The following GJA5 variants were observed in gnomAD, a reference collection of about 807,000 sequenced individuals.
GJA5 encodes the protein gap junction protein alpha 5.
GJA5 carries 3 observed loss-of-function variants against 7.9 expected under a neutral mutation model. The observed-to-expected ratio is 0.38, with a 90% CI of 0.17 to 0.99. The LOEUF is 0.99. Among genes scored for constraint, GJA5 ranks in the 50% least tolerant of loss-of-function variants. The probability of loss-of-function intolerance (pLI) is 0.38; values close to 1 mark genes in which losing one functional copy is unlikely to be tolerated. For synonymous variants in GJA5, 193 were observed against 181.0 expected (o/e 1.07, Z -0.53); for missense variants, 390 against 457.9 (o/e 0.85, Z 1.35).
At chr1:147,764,834 A>AC (rs1367795236), upstream of GJA5, among the ~76,000 whole-genome samples, 1 of 151,700 alleles carries the variant, frequency 6.6e-6, no homozygotes, top group Non-Finnish European at 1.5e-5. Context: ...AAAAAAAAAA[A>AC]AAAAAAAAAT....
chr1:147,758,173 G>A lies in GJA5; in HGVS notation c.1066C>T (p.Leu356=), dbSNP rs1663814488. ...KASSKARSDD[L]SV ...CCCATAAAGGAGGGTCACACTGATA[G>A]GTCATCTGACCTTGCCTTGCTGCTG... The change falls in exon 2 of 2, where the codon CTA becomes TTA. Residue 356 remains leucine (L), a synonymous_variant. Coordinates refer to ENST00000579774, the MANE Select transcript of GJA5 (RefSeq NM_181703.4). The A allele has an allele frequency of 6.2e-7, 1 of 1,609,936 alleles. No homozygotes were observed. The highest frequency in any genetic ancestry group is 8.5e-7 in the Non-Finnish European group (1 of 1,176,170).
Position 147,758,896 on chromosome 1 carries a change from T to C in GJA5, c.343A>G (p.Lys115Glu). 1 of 1,614,220 alleles carries C rather than the reference T, an allele frequency of 6.2e-7. No homozygotes were observed. Residue 115 changes from lysine to glutamate, a missense_variant, in exon 2 of 2, where the codon AAA becomes GAA. Transcript: ENST00000579774. ...TAAGAGCCAGAGCCCCGGACCTCTT[T>C]GGCCCTCTCGGCCTCCCGTAGCTTG... is the stretch of plus-strand genomic sequence containing the variant. The part of the protein sequence containing the change: ...KRKLREAERA[K>E]EVRGSGSYEY...
At chr1:147,772,722 G>C (rs1308996077) in intron 1 of GJA5, among the ~76,000 whole-genome samples, 1 of 148,768 alleles carries the variant, frequency 6.7e-6, no homozygotes, top group Non-Finnish European at 1.5e-5. Flanking sequence ...ACTGCACAGC[G>C]GGGACATGAT....
At chr1:147,759,332 T>A in intron 1 of GJA5, 61 bp from the exon 2 acceptor site, 2 of 892,134 alleles carry the variant, frequency 2.2e-6, no homozygotes, top group Non-Finnish European at 3.7e-6. Flanking sequence ...AGGTCTGGAA[T>A]GTCTATCATG....
At chr1:147,764,228 T>C (rs1045841929), upstream of GJA5, among the ~76,000 whole-genome samples, 4 of 152,114 alleles carry the variant, frequency 2.6e-5, no homozygotes, top group Admixed American at 6.5e-5. Flanking sequence ...ACTCCGCAAA[T>C]CTACAGCAAA....
At chr1:147,771,804 G>A (rs1664412966) in intron 1 of GJA5, among the ~76,000 whole-genome samples, 1 of 152,194 alleles carries the variant, frequency 6.6e-6, no homozygotes, top group African/African-American at 2.4e-5. Context: ...TGCTGAGTGA[G>A]GAAAAGGCTT....
chr1:147,763,166 G>A (rs1664082435), upstream of GJA5, among the ~76,000 whole-genome samples: 1 of 152,112 alleles, frequency 6.6e-6, no homozygotes, highest in Non-Finnish European at 1.5e-5. Context: ...GGCTTCTTAT[G>A]TTCCCTCTGC....
At chr1:147,770,435 G>GA (rs11295769) in intron 1 of GJA5, among the ~76,000 whole-genome samples, 2,964 of 149,200 alleles carry the variant, frequency 0.02, 67 homozygotes, top group African/African-American at 0.064. Flanking sequence ...AGGAGTCCTA[G>GA]AAAAAAAAAA....
chr1:147,762,919 T>A (rs1553227607), upstream of GJA5, among the ~76,000 whole-genome samples: 2 of 152,344 alleles, frequency 1.3e-5, no homozygotes, highest in Non-Finnish European at 2.9e-5. Context: ...CAAAGGAAGC[T>A]GCCCATGCCA....
upstream of GJA5, among the ~76,000 whole-genome samples, chr1:147,762,754 A>G (rs1455675938): frequency 6.6e-6 from 1 of 152,224 alleles, no homozygotes; most frequent in Non-Finnish European, 1.5e-5. Flanking sequence ...CTCTGGCTGT[A>G]GTTACTTTTC....
At chr1:147,764,014 T>C (rs782738603), upstream of GJA5, among the ~76,000 whole-genome samples, 24 of 152,188 alleles carry the variant, frequency 1.6e-4, no homozygotes, top group Non-Finnish European at 3.5e-4. Flanking sequence ...TTTCACCATG[T>C]TGGCCAGGCT....
At chr1:147,770,617 C>T (rs114347152) in intron 1 of GJA5, among the ~76,000 whole-genome samples, 1,542 of 152,008 alleles carry the variant, frequency 0.01, 15 homozygotes, top group Non-Finnish European at 0.016. Context: ...AAATAATTTC[C>T]CCAAGATCAC....
upstream of GJA5, among the ~76,000 whole-genome samples, chr1:147,765,571 G>A (rs1553228068): frequency 6.6e-6 from 1 of 152,166 alleles, no homozygotes; most frequent in Non-Finnish European, 1.5e-5. Context: ...TCAGACAAAG[G>A]CAAGACTGCA....
chr1:147,763,653 T>C (rs1447986066), upstream of GJA5, among the ~76,000 whole-genome samples: 4 of 152,174 alleles, frequency 2.6e-5, no homozygotes, highest in East Asian at 7.7e-4. Flanking sequence ...CTAGGAAACT[T>C]GTTTGGCAAT....
chr1:147,758,456 G>A lies in GJA5; in HGVS notation c.783C>T (p.Cys261=), dbSNP rs1553226859. ...SGPSVGIVQS[C]TPPPDFNQCL... Reference sequence around the variant, plus strand: ...ACTGATTAAAGTCGGGGGGTGGTGTGCAGCTCTGGACTATGCCCACAGAGG... The same window carrying A: ...ACTGATTAAAGTCGGGGGGTGGTGTACAGCTCTGGACTATGCCCACAGAGG... Residue 261 remains cysteine (C), a synonymous_variant, in exon 2 of 2, where the codon TGC becomes TGT. Coordinates refer to ENST00000579774, the MANE Select transcript of GJA5 (RefSeq NM_181703.4). 1 of 1,614,192 alleles carries A rather than the reference G, an allele frequency of 6.2e-7. No individual in the cohort carries two copies. The highest frequency in any genetic ancestry group is 1.1e-5 in the South Asian group (1 of 91,086).
chr1:147,760,556 A>C lies in GJA5; in HGVS notation c.-91T>G, dbSNP rs1030072466. On this transcript the variant is annotated 5_prime_UTR_variant, in exon 1 of 2. Transcript: ENST00000579774. ...ATCCTCTGCCTGTCTGTGTTCTCCC[A>C]GGAGGGACTGTTTGAAAATGGAGAC... 1 of 152,362 alleles carries C rather than the reference A, an allele frequency of 6.6e-6. No homozygotes were observed. The highest frequency in any genetic ancestry group is 1.5e-5 in the Non-Finnish European group (1 of 68,200). 9.4% of individuals were successfully genotyped at this position (152,362 alleles called of 1,614,324 possible). A position where few individuals can be genotyped will look rare whatever the true frequency, so the allele number is the denominator to read the frequency against.
rs1775479 is a variant in GJA5 at position 147,759,426 on chromosome 1, G to A, written c.-33-155C>T. Among the ~76,000 whole-genome samples the A allele has an allele frequency of 0.021, 3,258 of 152,262 alleles. 160 individuals carry two copies. In the East Asian group the frequency reaches 0.22, roughly 10 times the overall value. On this transcript the variant is annotated intron_variant, in intron 1 of 1. Transcript: ENST00000579774. ...AGTCAAAGCAACCAACGAAAAGCTC[G>A]CTCTCCTTTCCCAGCAAAAATAAAA...
upstream of GJA5, among the ~76,000 whole-genome samples, chr1:147,764,107 G>T (rs587692351): frequency 5.2e-4 from 79 of 152,082 alleles, no homozygotes; most frequent in African/African-American, 1.8e-3. Flanking sequence ...CACCATGCCC[G>T]GCCCAGTGCT....
upstream of GJA5, among the ~76,000 whole-genome samples, chr1:147,762,456 C>T (rs1664051873): frequency 6.6e-6 from 1 of 152,164 alleles, no homozygotes; most frequent in Non-Finnish European, 1.5e-5. Flanking sequence ...TGACTGCTGA[C>T]TCCTTCACTG....
Sources: gnomAD v4.1 joint callset for allele counts (sites outside exome capture counted in the v4.1 genomes callset) on GRCh38, gnomAD v4.1.1 for gene constraint, MANE v1.5 for transcripts, NCBI Gene and HGNC (gene_info 2026-07-23, HGNC 2026-07-21) for gene names.